The following SOX12 variants were observed in gnomAD, a reference collection of about 807,000 sequenced individuals.
SOX12 encodes SRY-box transcription factor 12, also known as transcription factor SOX-12.
Under a neutral mutation model 21.5 loss-of-function variants are expected in SOX12, and 8 were observed. The observed-to-expected ratio is 0.37, with a 90% CI of 0.22 to 0.67. SOX12 has a LOEUF of 0.67. Among genes scored for constraint, SOX12 ranks in the 30% least tolerant of loss-of-function variants. SOX12 has a pLI of 0.56. For synonymous variants in SOX12, 235 were observed against 224.2 expected (o/e 1.05, Z -0.43); for missense variants, 400 against 482.6 (o/e 0.83, Z 1.60).
chr20:326,432 G>A lies in SOX12; in HGVS notation c.508G>A (p.Asp170Asn). The A allele has an allele frequency of 7.3e-7, 1 of 1,360,846 alleles. No homozygotes were observed. The highest frequency in any genetic ancestry group is 3.0e-5 in the East Asian group (1 of 32,804). 84.3% of individuals were successfully genotyped at this position (1,360,846 alleles called of 1,614,324 possible). The change falls in exon 1 of 1, where the codon GAC becomes AAC. Residue 170 changes from aspartate to asparagine, a missense_variant. Coordinates refer to ENST00000342665, the MANE Select transcript of SOX12 (RefSeq NM_006943.4). This position sits in a 1 kb window ranked among gnomAD's most constrained non-coding sequence, Gnocchi z 9.9. ...GCCCGAGGACGACGATGAAGACGAC[G>A]ACGAGGAGCTGCTGGAAGTGCGCCT... ...AAPEDDDEDD[D>N]EELLEVRLVE...
In SOX12 at chr20:325,611, G is replaced by A. The variant is rs2013071276; in HGVS notation, c.-314G>A. On this transcript the variant is annotated 5_prime_UTR_variant, in exon 1 of 1. Transcript: ENST00000342665. The surrounding 1 kb of genome is among the most constrained non-coding windows in gnomAD (Gnocchi z 5.0). The stretch of plus-strand genomic sequence containing the variant: ...GCGCGCGGGCCGCGGCGGAGCCAGA[G>A]GCTGCAGGAAGAGCCCGCGGGGGCC... 6.7e-6 allele frequency: 1 copy of A among 150,260 alleles called. No homozygotes were observed. Among genetic ancestry groups the A allele is most frequent in the Non-Finnish European group, 1.5e-5 (1 of 67,622 alleles). 9.3% of individuals were successfully genotyped at this position (150,260 alleles called of 1,614,324 possible). A position where few individuals can be genotyped will look rare whatever the true frequency, so the allele number is the denominator to read the frequency against.
rs1306039161 is a variant in SOX12 at position 328,323 on chromosome 20, T to G, written c.*1451T>G. The G allele has an allele frequency of 6.5e-6, 1 of 154,528 alleles. No individual in the cohort carries two copies. The highest frequency in any genetic ancestry group is 1.5e-5 in the Non-Finnish European group (1 of 64,918). The allele number at this position is 154,528 out of a possible 1,614,324, so 9.6% of individuals were successfully genotyped here. A position where few individuals can be genotyped will look rare whatever the true frequency, so the allele number is the denominator to read the frequency against. ...CCTCACTACCTGTATCTCACCGGCG[T>G]GTGTTCACCCTCCCGGGTGGCTCAC... is the stretch of plus-strand genomic sequence containing the variant. On this transcript the variant is annotated 3_prime_UTR_variant, in exon 1 of 1. Coordinates refer to ENST00000342665, the MANE Select transcript of SOX12 (RefSeq NM_006943.4).
Position 326,229 on chromosome 20 carries a change from C to G in SOX12, c.305C>G (p.Ala102Gly). The G allele has an allele frequency of 6.3e-7, 1 of 1,581,612 alleles. No homozygotes were observed. Among genetic ancestry groups the G allele is most frequent in the Non-Finnish European group, 8.6e-7 (1 of 1,165,212 alleles). ...EAERLRLKHM[A>G]DYPDYKYRPR... ...GAGCGGCTGCGGCTCAAGCACATGG[C>G]GGATTACCCGGACTACAAGTACCGG... Residue 102 changes from alanine to glycine, a missense_variant, in exon 1 of 1, where the codon GCG becomes GGG. By Grantham distance (60) the Ala-to-Gly change is moderately conservative. Transcript: ENST00000342665. The surrounding 1 kb of genome is among the most constrained non-coding windows in gnomAD (Gnocchi z 9.9).
rs187291670 is a variant in SOX12 at position 327,305 on chromosome 20, C to G, written c.*433C>G. 4.9e-6 allele frequency: 1 copy of G among 204,612 alleles called. No individual in the cohort carries two copies. Among genetic ancestry groups the G allele is most frequent in the Non-Finnish European group, 1.1e-5 (1 of 91,528 alleles). 12.7% of individuals were successfully genotyped at this position (204,612 alleles called of 1,614,324 possible). On this transcript the variant is annotated 3_prime_UTR_variant, in exon 1 of 1. Transcript: ENST00000342665. ...GGCGATGCGGCCGGGTGGCAACGCA[C>G]GCGCCTCCTGCGCCCCTCCCTTCCC...
chr20:325,980 G>A lies in SOX12; in HGVS notation c.56G>A (p.Gly19Glu). Residue 19 changes from glycine (G) to glutamate (E), a missense_variant, in exon 1 of 1, where the codon GGA becomes GAA. Physicochemically the swap from Gly to Glu is moderately conservative, Grantham distance 98. Around this residue, in one of 4 missense-constraint regions of SOX12, gnomAD observed 56 missense variants for 51.5 expected, o/e 1.09. Coordinates refer to ENST00000342665, the MANE Select transcript of SOX12 (RefSeq NM_006943.4). The surrounding 1 kb of genome is among the most constrained non-coding windows in gnomAD (Gnocchi z 5.0). ...AKRDGGPPPP[G>E]PGPAEEGARE... ...CGGGACGGCGGGCCGCCGCCCCCGG[G>A]ACCCGGGCCGGCCGAGGAGGGGGCG... 2.8e-6 allele frequency: 4 copies of A among 1,449,534 alleles called. No individual in the cohort carries two copies. Among genetic ancestry groups the A allele is most frequent in the South Asian group, 1.4e-5 (1 of 72,738 alleles). 89.8% of individuals were successfully genotyped at this position (1,449,534 alleles called of 1,614,324 possible). A position where few individuals can be genotyped will look rare whatever the true frequency, so the allele number is the denominator to read the frequency against.
rs2013103645 is a variant in SOX12 at position 326,731 on chromosome 20, C to T, written c.807C>T (p.Ala269=). The change falls in exon 1 of 1, where the codon GCC becomes GCT. Residue 269 remains alanine, a synonymous_variant. Coordinates refer to ENST00000342665, the MANE Select transcript of SOX12 (RefSeq NM_006943.4). The surrounding 1 kb of genome is among the most constrained non-coding windows in gnomAD (Gnocchi z 9.9). ...GCCCGGCCGGCCTGGACTGCAGCGC[C>T]CTGGATCGCGACCCGGACCTGCAGC... The part of the protein sequence containing the change: ...PPGPAGLDCS[A]LDRDPDLQPP... 1.9e-6 allele frequency: 3 copies of T among 1,610,142 alleles called. No homozygotes were observed. Among genetic ancestry groups the T allele is most frequent in the East Asian group, 2.2e-5 (1 of 44,666 alleles).
rs536375222 is a variant in SOX12 at position 328,648 on chromosome 20, G to A, written c.*1776G>A. ...ACTAGTCTCGTAGCTGAGGGGTGGG[G>A]TCCCTCTGTCTGGGGCACTGGCACC... is the stretch of plus-strand genomic sequence containing the variant. On this transcript the variant is annotated 3_prime_UTR_variant, in exon 1 of 1. Coordinates refer to ENST00000342665, the MANE Select transcript of SOX12 (RefSeq NM_006943.4). The A allele has an allele frequency of 2.4e-5, 4 of 166,618 alleles. No homozygotes were observed. The highest frequency in any genetic ancestry group is 9.6e-5 in the African/African-American group (4 of 41,486). The allele number at this position is 166,618 out of a possible 1,614,324, so 10.3% of individuals were successfully genotyped here. A position where few individuals can be genotyped will look rare whatever the true frequency, so the allele number is the denominator to read the frequency against.
rs996815711 is a variant in SOX12, at chr20:330,159, C to A, written c.*3287C>A. On this transcript the variant is annotated 3_prime_UTR_variant, in exon 1 of 1. Coordinates refer to ENST00000342665, the MANE Select transcript of SOX12 (RefSeq NM_006943.4). ...CACAATTTGACTTCCTATGCCCAGG[C>A]CTGCTTCCTCTTCTTCCTCTTCTTT... is the stretch of plus-strand genomic sequence containing the variant. 3 of 167,092 alleles carry A rather than the reference C, an allele frequency of 1.8e-5. No individual in the cohort carries two copies. Among genetic ancestry groups the A allele is most frequent in the African/African-American group, 7.2e-5 (3 of 41,468 alleles). The allele number at this position is 167,092 out of a possible 1,614,324, so 10.4% of individuals were successfully genotyped here. A position where few individuals can be genotyped will look rare whatever the true frequency, so the allele number is the denominator to read the frequency against.
At position 326,385 on chromosome 20, in the gene SOX12, C is replaced by T; in HGVS notation, c.461C>T (p.Pro154Leu). The change falls in exon 1 of 1, where the codon CCT (proline) becomes CTT (leucine). Residue 154 changes from proline (P) to leucine (L), a missense_variant. Pro to Leu is a moderately conservative substitution (Grantham distance 98). Around this residue, in one of 4 missense-constraint regions of SOX12, gnomAD observed 235 missense variants for 219.3 expected, o/e 1.07. Transcript: ENST00000342665. This position sits in a 1 kb window ranked among gnomAD's most constrained non-coding sequence, Gnocchi z 9.9. ...GGGGGCCGCCGAGCAGCGGGAGGGCCTTTGGGGGGCGGGGCGGCGGCGCCC... is the reference window on the plus strand; with the variant it reads ...GGGGGCCGCCGAGCAGCGGGAGGGCTTTTGGGGGGCGGGGCGGCGGCGCCC... ...GRGGRRAAGG[P>L]LGGGAAAPED... The T allele has an allele frequency of 3.0e-6, 4 of 1,334,172 alleles. No homozygotes were observed. Among genetic ancestry groups the T allele is most frequent in the Non-Finnish European group, 3.8e-6 (4 of 1,046,700 alleles). 82.6% of individuals were successfully genotyped at this position (1,334,172 alleles called of 1,614,324 possible). A position where few individuals can be genotyped will look rare whatever the true frequency, so the allele number is the denominator to read the frequency against.
chr20:326,525 G>T lies in SOX12; in HGVS notation c.601G>T (p.Glu201Ter). Residue 201 changes from glutamate (E) to a stop codon, truncating the protein, a stop_gained, in exon 1 of 1, where the codon GAG (glutamate) becomes TAG (stop). Coordinates refer to ENST00000342665, the MANE Select transcript of SOX12 (RefSeq NM_006943.4). LOFTEE classifies it high-confidence loss of function. This position sits in a 1 kb window ranked among gnomAD's most constrained non-coding sequence, Gnocchi z 9.9. ...PAGRAARGQA[E>*]RAQGPSGEGA... Reference sequence around the variant, plus strand: ...GGGACGGGCCGCTCGGGGACAAGCGGAGCGCGCCCAAGGGCCGTCGGGCGA... The same window carrying T: ...GGGACGGGCCGCTCGGGGACAAGCGTAGCGCGCCCAAGGGCCGTCGGGCGA... 6.8e-7 allele frequency: 1 copy of T among 1,469,816 alleles called. No homozygotes were observed. The highest frequency in any genetic ancestry group is 8.9e-7 in the Non-Finnish European group (1 of 1,122,820). 91.0% of individuals were successfully genotyped at this position (1,469,816 alleles called of 1,614,324 possible).
In SOX12 at chr20:328,291, C is replaced by G. The variant is rs6050227; in HGVS notation, c.*1419C>G. On this transcript the variant is annotated 3_prime_UTR_variant, in exon 1 of 1. Coordinates refer to ENST00000342665, the MANE Select transcript of SOX12 (RefSeq NM_006943.4). ...CCGCCCCTCCGGCCTCCCCACACCC[C>G]CCTTGCCCTCACTACCTGTATCTCA... 7,080 of 166,078 alleles carry G rather than the reference C, an allele frequency of 0.043. 594 individuals are homozygous for G. The highest frequency in any genetic ancestry group is 0.16 in the African/African-American group (6,687 of 40,948). 10.3% of individuals were successfully genotyped at this position (166,078 alleles called of 1,614,324 possible).
chr20:326,457 T>G lies in SOX12; in HGVS notation c.533T>G (p.Leu178Arg). The G allele has an allele frequency of 7.2e-7, 1 of 1,381,750 alleles. No individual in the cohort carries two copies. Among genetic ancestry groups the G allele is most frequent in the Non-Finnish European group, 9.3e-7 (1 of 1,076,504 alleles). 85.6% of individuals were successfully genotyped at this position (1,381,750 alleles called of 1,614,324 possible). ...GACGAGGAGCTGCTGGAAGTGCGCC[T>G]GGTCGAGACCCCGGGGCGGGAGCTG... The part of the protein sequence containing the change: ...DDDEELLEVR[L>R]VETPGRELWR... Residue 178 changes from leucine to arginine, a missense_variant, in exon 1 of 1, where the codon CTG becomes CGG. Physicochemically the swap from Leu to Arg is moderately radical, Grantham distance 102. This residue lies in a region of SOX12 where 235 missense variants were observed against 219.3 expected (regional missense o/e 1.07). Coordinates refer to ENST00000342665, the MANE Select transcript of SOX12 (RefSeq NM_006943.4). The surrounding 1 kb of genome is among the most constrained non-coding windows in gnomAD (Gnocchi z 9.9).
At position 327,010 on chromosome 20, in the gene SOX12, C is replaced by G. The variant is rs539655506; in HGVS notation, c.*138C>G. Reference sequence around the variant, plus strand: ...CCCCTCCTGGACGTGCCCATCCCCCCTCAGATCCAGACATGCCCCTCCCCC... The same window carrying G: ...CCCCTCCTGGACGTGCCCATCCCCCGTCAGATCCAGACATGCCCCTCCCCC... On this transcript the variant is annotated 3_prime_UTR_variant, in exon 1 of 1. Transcript: ENST00000342665. 366 of 799,116 alleles carry G rather than the reference C, an allele frequency of 4.6e-4. 4 individuals carry two copies. In the East Asian group the frequency reaches 9.2e-3, roughly 20 times the overall value. The allele number at this position is 799,116 out of a possible 1,614,324, so 49.5% of individuals were successfully genotyped here.
At position 326,577 on chromosome 20, in the gene SOX12, C is replaced by T. The variant is rs1456494948; in HGVS notation, c.653C>T (p.Ser218Phe). Residue 218 changes from serine (S) to phenylalanine (F), a missense_variant, in exon 1 of 1, where the codon TCC becomes TTC. Transcript: ENST00000342665. The surrounding 1 kb of genome is among the most constrained non-coding windows in gnomAD (Gnocchi z 9.9). Reference sequence around the variant, plus strand: ...GGGGCGGCCGCCGCCGCCGCCGCCTCCCCGACACCGTCGGAGGACGAGGAG... The same window carrying T: ...GGGGCGGCCGCCGCCGCCGCCGCCTTCCCGACACCGTCGGAGGACGAGGAG... Reference protein sequence around the residue: ...GEGAAAAAAASPTPSEDEEPE... With the variant: ...GEGAAAAAAAFPTPSEDEEPE... The T allele has an allele frequency of 5.2e-6, 8 of 1,535,028 alleles. No individual in the cohort carries two copies. Among genetic ancestry groups the T allele is most frequent in the Non-Finnish European group, 6.1e-6 (7 of 1,142,808 alleles).
In SOX12 at chr20:325,842, C is replaced by G; in HGVS notation, c.-83C>G. 1.3e-6 allele frequency: 1 copy of G among 794,356 alleles called. No homozygotes were observed. The highest frequency in any genetic ancestry group is 1.9e-5 in the African/African-American group (1 of 53,672). 49.2% of individuals were successfully genotyped at this position (794,356 alleles called of 1,614,324 possible). A position where few individuals can be genotyped will look rare whatever the true frequency, so the allele number is the denominator to read the frequency against. On this transcript the variant is annotated 5_prime_UTR_variant, in exon 1 of 1. Transcript: ENST00000342665. The surrounding 1 kb of genome is among the most constrained non-coding windows in gnomAD (Gnocchi z 5.0). ...CCGCGGGGCGGGGCCGCCCCTCCGT[C>G]GCCGCTGCCTCCTCCCCCACCCCCA...
In SOX12 at chr20:326,293, GC is replaced by G; in HGVS notation, c.373del (p.Arg125AlafsTer174). The G allele has an allele frequency of 7.0e-7, 1 of 1,426,090 alleles. No individual in the cohort carries two copies. Among genetic ancestry groups the G allele is most frequent in the South Asian group, 1.5e-5 (1 of 67,368 alleles). 88.3% of individuals were successfully genotyped at this position (1,426,090 alleles called of 1,614,324 possible). ...KSKGAPAKARPRPPGGSGGGS... is the reference protein window; with the variant it reads ...KSKGAPAKARXRPPGGSGGGS... ...GCAAGGGGGCGCCCGCCAAGGCGCG[GC>G]CCCGCCCCCCCGGTGGTAGCGGTGG... On this transcript the variant is annotated frameshift_variant, in exon 1 of 1. Coordinates refer to ENST00000342665, the MANE Select transcript of SOX12 (RefSeq NM_006943.4). LOFTEE classifies it high-confidence loss of function. The surrounding 1 kb of genome is among the most constrained non-coding windows in gnomAD (Gnocchi z 9.9).
chr20:326,416 C>T lies in SOX12; in HGVS notation c.492C>T (p.Asp164=). ...GGGGCGGGGCGGCGGCGCCCGAGGACGACGATGAAGACGACGACGAGGAGC... is the reference window on the plus strand; with the variant it reads ...GGGGCGGGGCGGCGGCGCCCGAGGATGACGATGAAGACGACGACGAGGAGC... ...PLGGGAAAPE[D]DDEDDDEELL... is the part of the protein sequence containing the mutation. Residue 164 remains aspartate (D), a synonymous_variant, in exon 1 of 1, where the codon GAC becomes GAT. Transcript: ENST00000342665. The surrounding 1 kb of genome is among the most constrained non-coding windows in gnomAD (Gnocchi z 9.9). 7.4e-7 allele frequency: 1 copy of T among 1,347,710 alleles called. No homozygotes were observed. 83.5% of individuals were successfully genotyped at this position (1,347,710 alleles called of 1,614,324 possible).
In SOX12 at chr20:328,894, C is replaced by T; in HGVS notation, c.*2022C>T. Reference sequence around the variant, plus strand: ...ACTCCCTGGCCTTCATGAAGAATAGCAAACTCATCCCTGTAGGGACCAGGC... The same window carrying T: ...ACTCCCTGGCCTTCATGAAGAATAGTAAACTCATCCCTGTAGGGACCAGGC... On this transcript the variant is annotated 3_prime_UTR_variant, in exon 1 of 1. Transcript: ENST00000342665. The T allele has an allele frequency of 6.0e-6, 1 of 167,194 alleles. No homozygotes were observed. The allele number at this position is 167,194 out of a possible 1,614,324, so 10.4% of individuals were successfully genotyped here.
chr20:327,037 C>A lies in SOX12; in HGVS notation c.*165C>A, dbSNP rs948394121. On this transcript the variant is annotated 3_prime_UTR_variant, in exon 1 of 1. Transcript: ENST00000342665. The stretch of plus-strand genomic sequence containing the variant: ...CAGATCCAGACATGCCCCTCCCCCG[C>A]AGACACACCCCAAGGCAGCCCAACC... 14 of 675,240 alleles carry A rather than the reference C, an allele frequency of 2.1e-5. No homozygotes were observed. The highest frequency in any genetic ancestry group is 9.8e-5 in the Admixed American group (4 of 40,880). 41.8% of individuals were successfully genotyped at this position (675,240 alleles called of 1,614,324 possible).
Sources: allele counts gnomAD v4.1 joint callset, GRCh38; gene constraint gnomAD v4.1.1; regional missense constraint gnomAD v4.1.1; non-coding constraint Gnocchi (gnomAD v3.1); transcripts MANE v1.5; gene names NCBI Gene and HGNC (gene_info 2026-07-23, HGNC 2026-07-21).